The following NHSL2 variants were observed in gnomAD, a reference collection of about 807,000 sequenced individuals.
NHSL2 encodes NHS like 2, also known as NHS-like protein 2.
NHSL2 carries 27 observed loss-of-function variants against 53.4 expected under a neutral mutation model. The ratio of observed to expected loss-of-function variants is 0.51; its 90% CI spans 0.37 to 0.70. The LOEUF (loss-of-function observed/expected upper bound fraction) is 0.70, where lower values mean the gene tolerates loss of function less well. NHSL2 is among the 30% of genes least tolerant of loss of function. The pLI is 0.00. For missense variants in NHSL2, 892 were observed against 980.1 expected, an observed-to-expected ratio of 0.91 and a Z score of 1.20; for synonymous variants, 408 against 404.1, an observed-to-expected ratio of 1.01 and a Z score of -0.12.
At chrX:71,935,498 C>T (rs1176032249) in intron 1 of NHSL2, among the ~76,000 whole-genome samples, 2 of 112,870 alleles carry the variant, frequency 1.8e-5, no homozygotes, top group African/African-American at 6.4e-5. Flanking sequence ...CTAGGCAGCT[C>T]ATTTGAAGGA....
At chrX:72,082,185 A>T (rs1193635943) in intron 1 of NHSL2, among the ~76,000 whole-genome samples, 1 of 111,777 alleles carries the variant, frequency 8.9e-6, no homozygotes, top group Admixed American at 9.5e-5. Flanking sequence ...CAGGGCCTGG[A>T]GGTATGGGCT....
chrX:72,101,441 G>C (rs1465206940), intron 1 of NHSL2, among the ~76,000 whole-genome samples: 1 of 110,412 alleles, frequency 9.1e-6, no homozygotes, highest in African/African-American at 3.3e-5. Context: ...GCAGGCTTGG[G>C]TGCTCGGCCC....
In NHSL2 at chrX:72,144,805, T is replaced by C. The variant is rs2042451525; in HGVS notation, c.*1231T>C. 1 of 188,119 alleles carries C rather than the reference T, an allele frequency of 5.3e-6. No individual in the cohort carries two copies. Among genetic ancestry groups the C allele is most frequent in the Non-Finnish European group, 9.9e-6 (1 of 100,630 alleles). 15.5% of individuals were successfully genotyped at this position (188,119 alleles called of 1,213,427 possible). A position where few individuals can be genotyped will look rare whatever the true frequency, so the allele number is the denominator to read the frequency against. ...TTGACCAGCTTTCAATTAACCTTGC[T>C]GGGGGAGAGCATAAGAACCTGGGTA... is the stretch of plus-strand genomic sequence containing the variant. On this transcript the variant is annotated 3_prime_UTR_variant, in exon 8 of 8. Coordinates refer to ENST00000633930, the MANE Select transcript of NHSL2 (RefSeq NM_001013627.3).
In NHSL2 at chrX:72,148,069, T is replaced by G. The variant is rs2042477611; in HGVS notation, c.*4495T>G. ...TAAATTGTCCTGATATCCAATGCTATTCAATATGGTTACTACCAAGGGACT... is the reference window on the plus strand; with the variant it reads ...TAAATTGTCCTGATATCCAATGCTAGTCAATATGGTTACTACCAAGGGACT... On this transcript the variant is annotated 3_prime_UTR_variant, in exon 8 of 8. Transcript: ENST00000633930. 1.8e-5 allele frequency: 2 copies of G among 112,168 alleles called. No individual in the cohort carries two copies. Among genetic ancestry groups the G allele is most frequent in the South Asian group, 7.4e-4 (2 of 2,685 alleles). The allele number at this position is 112,168 out of a possible 1,213,427, so 9.2% of individuals were successfully genotyped here.
At chrX:72,091,570 A>G (rs189159538) in intron 1 of NHSL2, among the ~76,000 whole-genome samples, 264 of 112,244 alleles carry the variant, frequency 2.4e-3, no homozygotes, top group African/African-American at 8.1e-3. Context: ...CTCTCTCCGC[A>G]TCACAGCATG....
Position 72,147,999 on chromosome X carries a change from A to G in NHSL2, c.*4425A>G, listed in dbSNP as rs900441830. ...CGCCTAACTCCAGAATATAGAAAAT[A>G]TCTTAATCGCCTGGAATCATTTGAG... On this transcript the variant is annotated 3_prime_UTR_variant, in exon 8 of 8. Coordinates refer to ENST00000633930, the MANE Select transcript of NHSL2 (RefSeq NM_001013627.3). 1 of 111,891 alleles carries G rather than the reference A, an allele frequency of 8.9e-6. No individual in the cohort carries two copies. Among genetic ancestry groups the G allele is most frequent in the Non-Finnish European group, 1.9e-5 (1 of 53,232 alleles). The allele number at this position is 111,891 out of a possible 1,213,427, so 9.2% of individuals were successfully genotyped here.
intron 1 of NHSL2, among the ~76,000 whole-genome samples, chrX:72,056,393 C>G (rs1346872517): frequency 4.5e-5 from 5 of 112,012 alleles, no homozygotes; most frequent in African/African-American, 1.6e-4. Flanking sequence ...GGGCATTATG[C>G]AGCTGTTGAA....
intron 1 of NHSL2, among the ~76,000 whole-genome samples, chrX:71,970,715 T>C (rs181669351): frequency 3.6e-5 from 4 of 110,778 alleles, no homozygotes; most frequent in African/African-American, 1.3e-4. Flanking sequence ...CCTCTTTTAT[T>C]ATTTCCTTCC....
At chrX:72,126,019 A>G (rs2042222347) in intron 1 of NHSL2, among the ~76,000 whole-genome samples, 1 of 112,124 alleles carries the variant, frequency 8.9e-6, no homozygotes, top group African/African-American at 3.3e-5. Flanking sequence ...GGAGTCCCCC[A>G]TATGACCTAA....
At chrX:71,979,222 C>T (rs1454728465) in intron 1 of NHSL2, among the ~76,000 whole-genome samples, 3 of 110,534 alleles carry the variant, frequency 2.7e-5, no homozygotes, top group East Asian at 2.8e-4. Flanking sequence ...AGTAAACATA[C>T]GTGTGCATGT....
At chrX:72,106,749 G>A (rs971859364) in intron 1 of NHSL2, among the ~76,000 whole-genome samples, 8 of 111,932 alleles carry the variant, frequency 7.1e-5, no homozygotes, top group Admixed American at 2.8e-4. Context: ...TTAAGAAAAT[G>A]TGGCACATAC....
intron 1 of NHSL2, among the ~76,000 whole-genome samples, chrX:71,978,922 C>T (rs2041961748): frequency 1.2e-5 from 1 of 81,136 alleles, no homozygotes; most frequent in Non-Finnish European, 2.3e-5. Flanking sequence ...TCCCCCCACC[C>T]CACAACAGTC....
chrX:72,129,578 C>G (rs149578526), intron 1 of NHSL2: 2 of 367,227 alleles, frequency 5.4e-6, no homozygotes, highest in Non-Finnish European at 9.4e-6. Context: ...AGCTCGTGGC[C>G]GGACTGAGCA....
chrX:72,076,223 G>A, intron 1 of NHSL2, among the ~76,000 whole-genome samples: 1 of 111,277 alleles, frequency 9.0e-6, no homozygotes, highest in African/African-American at 3.3e-5. Flanking sequence ...GTGAGCCACC[G>A]AGCCCAGCCG....
chrX:71,940,529 G>A (rs771810140), intron 1 of NHSL2, among the ~76,000 whole-genome samples: 1 of 111,695 alleles, frequency 9.0e-6, no homozygotes, highest in East Asian at 2.8e-4. Context: ...AGGTGAGGGA[G>A]GGGACAATTG....
chrX:72,110,699 T>A (rs1274404981), intron 1 of NHSL2, among the ~76,000 whole-genome samples: 1 of 66,101 alleles, frequency 1.5e-5, no homozygotes, highest in African/African-American at 5.9e-5. Context: ...GCTTGTCCCC[T>A]CCTTGTTTCT....
intron 1 of NHSL2, among the ~76,000 whole-genome samples, chrX:72,113,662 G>A (rs2042111728): frequency 1.8e-5 from 2 of 112,336 alleles, no homozygotes; most frequent in African/African-American, 6.5e-5. Flanking sequence ...CCATACACCT[G>A]CAAAGTGGCC....
At position 72,151,547 on chromosome X, in the gene NHSL2, T is replaced by C. The variant is rs1384076828; in HGVS notation, c.*7973T>C. The C allele has an allele frequency of 8.9e-6, 1 of 111,917 alleles. No homozygotes were observed. Among genetic ancestry groups the C allele is most frequent in the Non-Finnish European group, 1.9e-5 (1 of 53,172 alleles). The allele number at this position is 111,917 out of a possible 1,213,427, so 9.2% of individuals were successfully genotyped here. ...GCATATGCCAACCATTACTCTTCAA[T>C]AGAGTGTCCTTCATGAGCTCTCTCT... On this transcript the variant is annotated 3_prime_UTR_variant, in exon 8 of 8. Coordinates refer to ENST00000633930, the MANE Select transcript of NHSL2 (RefSeq NM_001013627.3).
intron 1 of NHSL2, among the ~76,000 whole-genome samples, chrX:72,014,848 A>G (rs2042129205): frequency 9.2e-6 from 1 of 109,093 alleles, no homozygotes; most frequent in Admixed American, 1.0e-4. Flanking sequence ...TTTTCTATCT[A>G]GTAGGTCTAT....
Sources: gnomAD v4.1 joint callset for allele counts (sites outside exome capture counted in the v4.1 genomes callset) on GRCh38, gnomAD v4.1.1 for gene constraint, MANE v1.5 for transcripts, NCBI Gene and HGNC (gene_info 2026-07-23, HGNC 2026-07-21) for gene names.